CDYL: variants seen among roughly 807,000 people sequenced by gnomAD.
CDYL encodes chromodomain Y-like protein.
A neutral mutation model predicts 47.3 loss-of-function variants in CDYL; 8 were observed. That is an observed-to-expected ratio of 0.17 (90% CI 0.10 to 0.31). The LOEUF is 0.31. CDYL is among the 10% of genes least tolerant of loss of function. The pLI is 1.00. For missense variants in CDYL, 471 were observed against 701.4 expected, an observed-to-expected ratio of 0.67 and a Z score of 3.71; for synonymous variants, 266 against 265.0, an observed-to-expected ratio of 1.00 and a Z score of -0.04.
At chr6:4,723,612 C>T (rs1757417457) in intron 2 of CDYL, among the ~76,000 whole-genome samples, 1 of 152,154 alleles carries the variant, frequency 6.6e-6, no homozygotes, top group South Asian at 2.1e-4. Flanking sequence ...CCCTCCTCCA[C>T]CCTACAGACT....
chr6:4,736,549 G>A (rs990421758), intron 3 of CDYL, among the ~76,000 whole-genome samples: 2 of 152,174 alleles, frequency 1.3e-5, no homozygotes, highest in Non-Finnish European at 2.9e-5. Context: ...GGTCAGGAGG[G>A]TGCAGGGGAC....
At chr6:4,774,301 C>T (rs1190478278), upstream of CDYL, among the ~76,000 whole-genome samples, 1 of 152,140 alleles carries the variant, frequency 6.6e-6, no homozygotes, top group Non-Finnish European at 1.5e-5. Flanking sequence ...GAGCGCTTGC[C>T]GAAGTGTGCA....
At position 4,776,648 on chromosome 6, in the gene CDYL, C is replaced by G. The variant is rs1758459689; in HGVS notation, c.-136C>G. 1 of 705,686 alleles carries G rather than the reference C, an allele frequency of 1.4e-6. No individual in the cohort carries two copies. The highest frequency in any genetic ancestry group is 1.9e-5 in the African/African-American group (1 of 51,326). The allele number at this position is 705,686 out of a possible 1,614,324, so 43.7% of individuals were successfully genotyped here. ...TGGCCGCGGAGTGCAAGAGGCTCGT[C>G]CGTGCCCAGCGCCCGGCCGGCCGCG... On this transcript the variant is annotated 5_prime_UTR_variant, in exon 1 of 7. Transcript: ENST00000397588.
At chr6:4,894,198 T>G (rs987949765) in intron 2 of CDYL, among the ~76,000 whole-genome samples, 3 of 152,216 alleles carry the variant, frequency 2.0e-5, no homozygotes, top group African/African-American at 7.2e-5. Flanking sequence ...ATGATGTTCA[T>G]GGAGAGAACC....
In CDYL at chr6:4,899,503, G is replaced by T. The variant is rs1431519483; in HGVS notation, c.691+7124G>T. Among the ~76,000 whole-genome samples the T allele has an allele frequency of 2.0e-5, 3 of 152,194 alleles. No individual in the cohort carries two copies. The East Asian group carries it at 5.8e-4, about 29-fold the overall frequency. ...CTAGGCTTCTTGGGGGTGGTAAAATGTGGGGAGGTGGATATACGGGGAAAC... is the reference window on the plus strand; with the variant it reads ...CTAGGCTTCTTGGGGGTGGTAAAATTTGGGGAGGTGGATATACGGGGAAAC... On this transcript the variant is annotated intron_variant, in intron 2 of 6. Transcript: ENST00000397588.
At chr6:4,725,618 C>T (rs556121993) in intron 2 of CDYL, among the ~76,000 whole-genome samples, 4 of 152,368 alleles carry the variant, frequency 2.6e-5, no homozygotes, top group Admixed American at 6.5e-5. Flanking sequence ...CCCGCCGAGC[C>T]CACGCCCACC....
chr6:4,819,928 G>C (rs1030910755), intron 1 of CDYL, among the ~76,000 whole-genome samples: 7 of 152,212 alleles, frequency 4.6e-5, no homozygotes, highest in African/African-American at 1.7e-4. Flanking sequence ...TGTGTTATGA[G>C]AATGTACCAG....
chr6:4,730,742 T>C (rs9392631), intron 2 of CDYL, among the ~76,000 whole-genome samples: 21,017 of 147,320 alleles, frequency 0.14, 1,924 homozygotes, highest in African/African-American at 0.28. Context: ...GTCCTCCCTA[T>C]CTCTGTGATT....
chr6:4,830,572 T>G (rs1192422748), intron 1 of CDYL, among the ~76,000 whole-genome samples: 1 of 152,022 alleles, frequency 6.6e-6, no homozygotes, highest in Non-Finnish European at 1.5e-5. Context: ...TCATAAGGCT[T>G]AGGTTTCTTT....
chr6:4,780,371 T>C, intron 1 of CDYL, among the ~76,000 whole-genome samples: 1 of 144,188 alleles, frequency 6.9e-6, no homozygotes, highest in African/African-American at 2.6e-5. Context: ...GTGGCTGGGA[T>C]TACAGACGTG....
At chr6:4,725,101 T>C (rs1375097142) in intron 2 of CDYL, among the ~76,000 whole-genome samples, 1 of 152,184 alleles carries the variant, frequency 6.6e-6, no homozygotes, top group East Asian at 1.9e-4. Context: ...TGTCGATTGC[T>C]GCATTCACAA....
At position 4,782,611 on chromosome 6, in the gene CDYL, A is replaced by G. The variant is rs191541271; in HGVS notation, c.24+5804A>G. Among the ~76,000 whole-genome samples, 33 of 152,326 alleles carry G rather than the reference A, an allele frequency of 2.2e-4. 2 individuals are homozygous for G. The East Asian group carries it at 2.3e-3, about 11-fold the overall frequency. On this transcript the variant is annotated intron_variant, in intron 1 of 6. Coordinates refer to ENST00000397588, the MANE Select transcript of CDYL (RefSeq NM_004824.4). ...TCTGGGGAGGGCCTATTATGAGTCT[A>G]GATATGACTTTAAATCCAATTATAA...
chr6:4,872,324 C>CTTT (rs56242830), intron 1 of CDYL, among the ~76,000 whole-genome samples: 1,368 of 121,582 alleles, frequency 0.011, 25 homozygotes, highest in African/African-American at 0.038. Context: ...TTTGATTTGG[C>CTTT]TTTTTTTTTT....
rs1487631252 is a variant in CDYL at position 4,954,204 on chromosome 6, A to G, written c.*148A>G. On this transcript the variant is annotated 3_prime_UTR_variant, in exon 7 of 7. Coordinates refer to ENST00000397588, the MANE Select transcript of CDYL (RefSeq NM_004824.4). ...AGGACTGGGAACATCCACGCTATTTATTATCGAGGAGTTTTAAAGTACTGT... is the reference window on the plus strand; with the variant it reads ...AGGACTGGGAACATCCACGCTATTTGTTATCGAGGAGTTTTAAAGTACTGT... 1 of 703,716 alleles carries G rather than the reference A, an allele frequency of 1.4e-6. No individual in the cohort carries two copies. 43.6% of individuals were successfully genotyped at this position (703,716 alleles called of 1,614,324 possible). A position where few individuals can be genotyped will look rare whatever the true frequency, so the allele number is the denominator to read the frequency against.
intron 1 of CDYL, among the ~76,000 whole-genome samples, chr6:4,864,947 T>C (rs1159264136): frequency 6.6e-6 from 1 of 152,242 alleles, no homozygotes; most frequent in African/African-American, 2.4e-5. Flanking sequence ...GCAAGAGTGT[T>C]AGAGTGAACT....
intron 1 of CDYL, among the ~76,000 whole-genome samples, chr6:4,870,118 G>A (rs926851490): frequency 1.3e-5 from 2 of 152,066 alleles, no homozygotes; most frequent in Non-Finnish European, 1.5e-5. Context: ...AGGCTGGAGT[G>A]CAGTGGTGTG....
chr6:4,916,614 G>T (rs79479554), intron 2 of CDYL, among the ~76,000 whole-genome samples: 3 of 152,108 alleles, frequency 2.0e-5, no homozygotes, highest in African/African-American at 7.2e-5. Flanking sequence ...ATCGGGGGGG[G>T]GCGGGCAGTT....
rs758795798 is a variant in CDYL, at chr6:4,892,077, G to A, written c.389G>A (p.Arg130Gln). 1.0e-4 allele frequency: 164 copies of A among 1,614,096 alleles called. 1 individual carries two copies. Among genetic ancestry groups the A allele is most frequent in the South Asian group, 1.9e-4 (17 of 91,092 alleles). Residue 130 changes from arginine to glutamine, a missense_variant, in exon 2 of 7, where the codon CGG becomes CAG. By Grantham distance (43) the Arg-to-Gln change is conservative (BLOSUM62 1). This residue lies in a region of CDYL where 311 missense variants were observed against 350.0 expected (regional missense o/e 0.89). Coordinates refer to ENST00000397588, the MANE Select transcript of CDYL (RefSeq NM_004824.4). ...AACACAGCTCCATCTCTCTCCAGCC[G>A]GAAGAACATGGACCTAGCGAAGTCA... ...RKNTAPSLSS[R>Q]KNMDLAKSGI... is the part of the protein sequence containing the mutation.
At chr6:4,905,572 G>T (rs1001983435) in intron 2 of CDYL, among the ~76,000 whole-genome samples, 3 of 152,148 alleles carry the variant, frequency 2.0e-5, no homozygotes, top group Non-Finnish European at 4.4e-5. Flanking sequence ...GTAGTGAAAG[G>T]GGAAATCAGT....
Sources: allele counts gnomAD v4.1 joint callset (sites outside exome capture counted in the v4.1 genomes callset), GRCh38; gene constraint gnomAD v4.1.1; regional missense constraint gnomAD v4.1.1; transcripts MANE v1.5; gene names NCBI Gene and HGNC (gene_info 2026-07-23, HGNC 2026-07-21).